ZMIZ2: variants seen among roughly 807,000 people sequenced by gnomAD.
The protein encoded by ZMIZ2 is zinc finger MIZ-type containing 2, also known as zinc finger MIZ domain-containing protein 2.
A neutral mutation model predicts 93.9 loss-of-function variants in ZMIZ2; 26 were observed. That is an observed-to-expected ratio of 0.28 (90% CI 0.20 to 0.38). The LOEUF (loss-of-function observed/expected upper bound fraction) is 0.38. Among genes scored for constraint, ZMIZ2 ranks in the 10% least tolerant of loss-of-function variants. The pLI, the probability that ZMIZ2 is intolerant of heterozygous loss-of-function variation, is 1.00. For missense variants in ZMIZ2, 1,023 were observed against 1,235.0 expected (o/e 0.83, Z 2.57); for synonymous variants, 485 against 516.4 (o/e 0.94, Z 0.82).
rs753628720 is a variant in ZMIZ2 at position 44,761,818 on chromosome 7, C to G, written c.1509C>G (p.Asn503Lys). 1.5e-5 allele frequency: 24 copies of G among 1,613,626 alleles called. No individual in the cohort carries two copies. Among genetic ancestry groups the G allele is most frequent in the African/African-American group, 5.3e-5 (4 of 75,058 alleles). ...ATPLTIERGD[N>K]KTSHKPLYLK... The stretch of plus-strand genomic sequence containing the variant: ...CGCTCACCATCGAGCGTGGCGACAA[C>G]AAGACCTCGCACAAGCCACTCTACC... Residue 503 changes from asparagine (N) to lysine (K), a missense_variant, in exon 11 of 19, where the codon AAC becomes AAG. By Grantham distance (94) the Asn-to-Lys change is moderately conservative. Around this residue, in one of 3 missense-constraint regions of ZMIZ2, gnomAD observed 656 missense variants for 777.1 expected, o/e 0.84. Transcript: ENST00000309315. This position sits in a 1 kb window ranked among gnomAD's most constrained non-coding sequence, Gnocchi z 5.8.
chr7:44,757,980 A>G lies in ZMIZ2; in HGVS notation c.685A>G (p.Met229Val), dbSNP rs746654959. The change falls in exon 6 of 19, where the codon ATG becomes GTG. Residue 229 changes from methionine to valine, a missense_variant. By Grantham distance (21) the Met-to-Val change is conservative. Around this residue, in one of 3 missense-constraint regions of ZMIZ2, gnomAD observed 656 missense variants for 777.1 expected, o/e 0.84. Transcript: ENST00000309315. Reference protein sequence around the residue: ...MGPSGLSPLAMNPTRAAGMTP... With the variant: ...MGPSGLSPLAVNPTRAAGMTP... ...CCCCTCTGGCCTCTCCCCCTTGGCT[A>G]TGAACCCCACCCGGGCAGCAGGAAT... is the stretch of plus-strand genomic sequence containing the variant. 7 of 1,612,622 alleles carry G rather than the reference A, an allele frequency of 4.3e-6. No homozygotes were observed. The highest frequency in any genetic ancestry group is 2.2e-5 in the East Asian group (1 of 44,844).
At position 44,765,115 on chromosome 7, in the gene ZMIZ2, C is replaced by A; in HGVS notation, c.1997+106C>A. 1.3e-6 allele frequency: 2 copies of A among 1,508,204 alleles called. No individual in the cohort carries two copies. Among genetic ancestry groups the A allele is most frequent in the Non-Finnish European group, 1.8e-6 (2 of 1,100,654 alleles). 93.4% of individuals were successfully genotyped at this position (1,508,204 alleles called of 1,614,324 possible). Reference sequence around the variant, plus strand: ...CAAGTGCAGCCTTCCAGCCTTTTTCCGGCATGGAGCAGGCTGGATTCCAGG... The same window carrying A: ...CAAGTGCAGCCTTCCAGCCTTTTTCAGGCATGGAGCAGGCTGGATTCCAGG... On this transcript the variant is annotated intron_variant, in intron 15 of 18. Coordinates refer to ENST00000309315, the MANE Select transcript of ZMIZ2 (RefSeq NM_031449.4). This position sits in a 1 kb window ranked among gnomAD's most constrained non-coding sequence, Gnocchi z 4.1.
intron 7 of ZMIZ2, chr7:44,759,768 A>G: frequency 2.2e-6 from 1 of 448,086 alleles, no homozygotes; most frequent in Middle Eastern, 5.8e-4. Flanking sequence ...AAACATTTGA[A>G]TGTTCTTTAT....
At chr7:44,752,330 T>C (rs1790226365) in intron 1 of ZMIZ2, among the ~76,000 whole-genome samples, 2 of 151,896 alleles carry the variant, frequency 1.3e-5, no homozygotes, top group Admixed American at 6.6e-5. Context: ...TTTAGTAGAG[T>C]TGGGGTTTCA....
chr7:44,762,043 T>C (rs970197711), intron 11 of ZMIZ2, 138 bp downstream of exon 11: 3 of 1,155,640 alleles, frequency 2.6e-6, no homozygotes, highest in Non-Finnish European at 3.4e-6. Context: ...AGCCAGGACA[T>C]GGGCGGGCCG....
chr7:44,764,762 G>A (rs551236128), intron 14 of ZMIZ2, among the ~76,000 whole-genome samples, 179 bp from the exon 15 acceptor site: 1 of 152,284 alleles, frequency 6.6e-6, no homozygotes, highest in South Asian at 2.1e-4. Context: ...AGTCACACAG[G>A]GTCACCTTGT....
chr7:44,759,486 T>G, intron 7 of ZMIZ2, 26 bp downstream of exon 7: 1 of 1,443,654 alleles, frequency 6.9e-7, no homozygotes, highest in East Asian at 2.7e-5. Flanking sequence ...CCAGGCCCTG[T>G]GCCGGGCTCC....
rs749486711 is a variant in ZMIZ2 at position 44,766,610 on chromosome 7, A to T, written c.2602A>T (p.Met868Leu). ...GGCCTTCAGTCCTGCCACAGGCGTG[A>T]TGGGGCCCCCCAGCATGTCTGGAGC... is the stretch of plus-strand genomic sequence containing the variant. ...ELAFSPATGV[M>L]GPPSMSGAGE... The change falls in exon 18 of 19, where the codon ATG becomes TTG. Residue 868 changes from methionine to leucine, a missense_variant. This residue lies in a region of ZMIZ2 where 319 missense variants were observed against 358.8 expected (regional missense o/e 0.89). Coordinates refer to ENST00000309315, the MANE Select transcript of ZMIZ2 (RefSeq NM_031449.4). The surrounding 1 kb of genome is among the most constrained non-coding windows in gnomAD (Gnocchi z 4.4). 3.1e-6 allele frequency: 5 copies of T among 1,613,268 alleles called. No individual in the cohort carries two copies. The highest frequency in any genetic ancestry group is 4.2e-6 in the Non-Finnish European group (5 of 1,180,006).
intron 3 of ZMIZ2, 85 bp from the exon 4 acceptor site, chr7:44,756,862 G>T: frequency 6.5e-7 from 1 of 1,543,028 alleles, no homozygotes; most frequent in South Asian, 1.1e-5. Flanking sequence ...CACTTGCCAG[G>T]CCTGTTGGTT....
At chr7:44,750,505 T>A (rs1790043305) in intron 1 of ZMIZ2, among the ~76,000 whole-genome samples, 2 of 152,154 alleles carry the variant, frequency 1.3e-5, no homozygotes, top group African/African-American at 4.8e-5. Flanking sequence ...CCTGCAATCT[T>A]GGAGACAGTG....
chr7:44,756,649 C>A, intron 3 of ZMIZ2, 110 bp downstream of exon 3: 1 of 1,224,054 alleles, frequency 8.2e-7, no homozygotes, highest in Non-Finnish European at 1.2e-6. Flanking sequence ...GAGGTGAGGA[C>A]AGAGAGGCTG....
intron 1 of ZMIZ2, among the ~76,000 whole-genome samples, chr7:44,749,435 A>G (rs541968098): frequency 6.6e-6 from 1 of 152,170 alleles, no homozygotes; most frequent in African/African-American, 2.4e-5. Context: ...TTACGTGCCC[A>G]CCAGCACGGC....
At chr7:44,753,144 A>G in intron 1 of ZMIZ2, among the ~76,000 whole-genome samples, 1 of 151,188 alleles carries the variant, frequency 6.6e-6, no homozygotes, top group East Asian at 1.9e-4. Context: ...TGCCATCTGT[A>G]TATTCTCTTT....
intron 1 of ZMIZ2, among the ~76,000 whole-genome samples, chr7:44,749,384 CCAGG>C (rs1192312023): frequency 6.6e-6 from 1 of 152,146 alleles, no homozygotes; most frequent in Non-Finnish European, 1.5e-5. Context: ...AGCTTTGGGG[CCAGG>C]CAGTCTCACC....
Position 44,766,017 on chromosome 7 carries a change from T to C in ZMIZ2, c.2243-147T>C, listed in dbSNP as rs906661172. 5.6e-6 allele frequency: 8 copies of C among 1,424,252 alleles called. No homozygotes were observed. The highest frequency in any genetic ancestry group is 3.1e-5 in the Admixed American group (1 of 31,798). The allele number at this position is 1,424,252 out of a possible 1,614,324, so 88.2% of individuals were successfully genotyped here. On this transcript the variant is annotated intron_variant, in intron 16 of 18. Coordinates refer to ENST00000309315, the MANE Select transcript of ZMIZ2 (RefSeq NM_031449.4). This position sits in a 1 kb window ranked among gnomAD's most constrained non-coding sequence, Gnocchi z 4.4. ...GCAGCAATGAGAAGAAATGCCCTTT[T>C]CCAAATAGCGACTTCTGCAAAACCC...
intron 1 of ZMIZ2, among the ~76,000 whole-genome samples, chr7:44,750,312 C>G (rs1562717934): frequency 6.6e-6 from 1 of 152,228 alleles, no homozygotes; most frequent in Admixed American, 6.5e-5. Context: ...TGCATCCTGA[C>G]TTAGCCCCAC....
In ZMIZ2 at chr7:44,766,510, G is replaced by C. The variant is rs1418524456; in HGVS notation, c.2502G>C (p.Gln834His). The change falls in exon 18 of 19, where the codon CAG becomes CAC. Residue 834 changes from glutamine to histidine, a missense_variant. By Grantham distance (24) the Gln-to-His change is conservative. Coordinates refer to ENST00000309315, the MANE Select transcript of ZMIZ2 (RefSeq NM_031449.4). The surrounding 1 kb of genome is among the most constrained non-coding windows in gnomAD (Gnocchi z 4.4). ...TSNLGAPPGP[Q>H]LHHSNPPPAS... ...ACCTTGGGGCCCCTCCAGGTCCCCA[G>C]CTGCACCATTCAAACCCTCCCCCAG... 6.2e-7 allele frequency: 1 copy of C among 1,614,148 alleles called. No homozygotes were observed. Among genetic ancestry groups the C allele is most frequent in the Non-Finnish European group, 8.5e-7 (1 of 1,180,036 alleles).
chr7:44,753,138 A>T (rs1194527235), intron 1 of ZMIZ2, among the ~76,000 whole-genome samples: 2 of 151,402 alleles, frequency 1.3e-5, no homozygotes, highest in Non-Finnish European at 2.9e-5. Flanking sequence ...CTTATTTGCC[A>T]TCTGTATATT....
chr7:44,757,483 C>G lies in ZMIZ2; in HGVS notation c.474C>G (p.Ala158=), dbSNP rs757234318. The change falls in exon 5 of 19, where the codon GCC becomes GCG. Residue 158 remains alanine (A), a synonymous_variant. Coordinates refer to ENST00000309315, the MANE Select transcript of ZMIZ2 (RefSeq NM_031449.4). ...CTGCAGCTGTGGCTGCTGCGGCAGC[C>G]ACTGCCACCGCCACAGCCACAGCCA... is the stretch of plus-strand genomic sequence containing the variant. ...AAAAAVAAAA[A]TATATATATV... 6.2e-6 allele frequency: 10 copies of G among 1,603,132 alleles called. No individual in the cohort carries two copies. In the African/African-American group the frequency reaches 1.2e-4, roughly 19 times the overall value.
Sources: allele counts gnomAD v4.1 joint callset (sites outside exome capture counted in the v4.1 genomes callset), GRCh38; gene constraint gnomAD v4.1.1; regional missense constraint gnomAD v4.1.1; non-coding constraint Gnocchi (gnomAD v3.1); transcripts MANE v1.5; gene names NCBI Gene and HGNC (gene_info 2026-07-23, HGNC 2026-07-21).